DOCK3: variants seen among roughly 807,000 people sequenced by gnomAD.
DOCK3 encodes the protein dedicator of cytokinesis protein 3.
In DOCK3, 60 loss-of-function variants were observed where a neutral mutation model predicts 265.6. The observed-to-expected ratio is 0.23, with a 90% CI of 0.18 to 0.28. The LOEUF (loss-of-function observed/expected upper bound fraction) is 0.28. Among genes scored for constraint, DOCK3 ranks in the 10% least tolerant of loss-of-function variants. The pLI is 1.00. For synonymous variants in DOCK3, 881 were observed against 938.0 expected, an observed-to-expected ratio of 0.94 and a Z score of 1.11; for missense variants, 1,981 against 2,594.3, an observed-to-expected ratio of 0.76 and a Z score of 5.14.
chr3:51,105,851 C>T (rs2109778476), intron 9 of DOCK3, among the ~76,000 whole-genome samples: 1 of 152,286 alleles, frequency 6.6e-6, no homozygotes. Flanking sequence ...GGCTACCATG[C>T]ACCAGGATTC....
At chr3:51,037,863 A>G (rs2080330706) in intron 5 of DOCK3, among the ~76,000 whole-genome samples, 1 of 152,176 alleles carries the variant, frequency 6.6e-6, no homozygotes. Context: ...TTAGAAAGAG[A>G]ATGCAGCCTA....
At chr3:50,949,152 G>A (rs915152091) in intron 5 of DOCK3, among the ~76,000 whole-genome samples, 16 of 152,106 alleles carry the variant, frequency 1.1e-4, no homozygotes, top group African/African-American at 3.9e-4. Context: ...AACTATAAAA[G>A]AAAAAAGCTG....
Position 51,064,467 on chromosome 3 carries a change from T to G in DOCK3, c.335T>G (p.Phe112Cys), listed in dbSNP as rs759941721. Reference sequence around the variant, plus strand: ...TTTCAGAAACACAAAGTAGATCTTTTCTACAAACTACGCCATGTGATGAAT... The same window carrying G: ...TTTCAGAAACACAAAGTAGATCTTTGCTACAAACTACGCCATGTGATGAAT... ...QLYVKHKVDL[F>C]YKLRHVMNEL... The change falls in exon 6 of 53, where the codon TTC becomes TGC. Residue 112 changes from phenylalanine to cysteine, a missense_variant. Coordinates refer to ENST00000266037, the MANE Select transcript of DOCK3 (RefSeq NM_004947.5). 1 of 1,613,996 alleles carries G rather than the reference T, an allele frequency of 6.2e-7. No individual in the cohort carries two copies. Among genetic ancestry groups the G allele is most frequent in the Non-Finnish European group, 8.5e-7 (1 of 1,179,876 alleles).
At chr3:51,320,954 C>A (rs2083684438) in intron 32 of DOCK3, among the ~76,000 whole-genome samples, 1 of 152,182 alleles carries the variant, frequency 6.6e-6, no homozygotes, top group Non-Finnish European at 1.5e-5. Context: ...AGCGAATCTC[C>A]CACCACAGTG....
chr3:50,745,638 C>G lies in DOCK3; in HGVS notation c.38-33037C>G, dbSNP rs192031457. Among the ~76,000 whole-genome samples the G allele has an allele frequency of 2.0e-5, 3 of 152,296 alleles. No homozygotes were observed. In the East Asian group the frequency reaches 5.8e-4, roughly 29 times the overall value. ...CGCATAACACTGAATTTTTGGAGGA[C>G]AAGGTCCCCCTGCCTGTTCAGGCAT... On this transcript the variant is annotated intron_variant, in intron 1 of 52. Transcript: ENST00000266037.
In DOCK3 at chr3:50,675,103, C is replaced by A; in HGVS notation, c.-161C>A. ...CGCGGTCCAGACGTGGCGGGGGTGG[C>A]GGCGGCATCCCGGACGGCCTGTGAG... On this transcript the variant is annotated 5_prime_UTR_variant, in exon 1 of 53. Transcript: ENST00000266037. This position sits in a 1 kb window ranked among gnomAD's most constrained non-coding sequence, Gnocchi z 6.1. 1 of 314,626 alleles carries A rather than the reference C, an allele frequency of 3.2e-6. No individual in the cohort carries two copies. The highest frequency in any genetic ancestry group is 4.6e-6 in the Non-Finnish European group (1 of 216,070). 19.5% of individuals were successfully genotyped at this position (314,626 alleles called of 1,614,324 possible). A position where few individuals can be genotyped will look rare whatever the true frequency, so the allele number is the denominator to read the frequency against.
intron 1 of DOCK3, among the ~76,000 whole-genome samples, chr3:50,740,583 T>C (rs1052418010): frequency 6.6e-6 from 1 of 152,186 alleles, no homozygotes; most frequent in African/African-American, 2.4e-5. Context: ...TAGTGGTATC[T>C]CACTGTAGCT....
intron 23 of DOCK3, among the ~76,000 whole-genome samples, chr3:51,266,789 A>G (rs561383639): frequency 6.6e-6 from 1 of 152,296 alleles, no homozygotes; most frequent in South Asian, 2.1e-4. Context: ...TGACTAAAAC[A>G]CCAAAAGCAG....
chr3:51,279,957 T>TA (rs1191616047), intron 26 of DOCK3, 149 bp from the exon 27 acceptor site: 6 of 638,516 alleles, frequency 9.4e-6, no homozygotes, highest in Non-Finnish European at 1.4e-5. Context: ...TAGCAGAAAA[T>TA]AAAGCTTTAG....
At chr3:50,937,903 T>C (rs2051476582) in intron 5 of DOCK3, among the ~76,000 whole-genome samples, 1 of 151,980 alleles carries the variant, frequency 6.6e-6, no homozygotes, top group Admixed American at 6.6e-5. Flanking sequence ...TAAATCCTAA[T>C]ATATGAGTGA....
At chr3:50,970,941 ATATAT>A (rs2077206243) in intron 5 of DOCK3, among the ~76,000 whole-genome samples, 6 of 71,650 alleles carry the variant, frequency 8.4e-5, no homozygotes, top group African/African-American at 3.1e-4. Context: ...ATATATATAT[ATATAT>A]AATGTGTGTG....
chr3:50,755,304 TA>T (rs1285802936), intron 1 of DOCK3, among the ~76,000 whole-genome samples: 1 of 152,250 alleles, frequency 6.6e-6, no homozygotes, highest in Non-Finnish European at 1.5e-5. Flanking sequence ...CCATAGGTTT[TA>T]AACATCTTGC....
rs148837986 is a variant in DOCK3 at position 51,232,094 on chromosome 3, C to T, written c.1917+2485C>T. The stretch of plus-strand genomic sequence containing the variant: ...CTTAACTGTTTCTAGCCAGCTATCT[C>T]AGCACCATTCATTTTTTGCCAATTG... On this transcript the variant is annotated intron_variant, in intron 19 of 52. Transcript: ENST00000266037. Among the ~76,000 whole-genome samples, 18 of 152,272 alleles carry T rather than the reference C, an allele frequency of 1.2e-4. No individual in the cohort carries two copies. In the East Asian group the frequency reaches 3.5e-3, roughly 29 times the overall value.
intron 5 of DOCK3, among the ~76,000 whole-genome samples, chr3:51,011,446 A>C (rs1198021842): frequency 6.6e-6 from 1 of 152,140 alleles, no homozygotes; most frequent in Non-Finnish European, 1.5e-5. Flanking sequence ...TTCGTCACAT[A>C]GTTTTCCTGC....
Position 51,180,225 on chromosome 3 carries a change from A to AC in DOCK3, c.1037+19523_1037+19524insC, listed in dbSNP as rs58463671. Among the ~76,000 whole-genome samples, 821 of 145,486 alleles carry AC rather than the reference A, an allele frequency of 5.6e-3. 4 individuals carry two copies. The highest frequency in any genetic ancestry group is 0.018 in the African/African-American group (684 of 39,082). On this transcript the variant is annotated intron_variant, in intron 12 of 52. Coordinates refer to ENST00000266037, the MANE Select transcript of DOCK3 (RefSeq NM_004947.5). ...CCTGTCTCAAAAAAAAAAAAAAAAA[A>AC]ACACACACACACACACAAGTGCCAC...
chr3:51,201,174 A>G (rs574164473), intron 12 of DOCK3, among the ~76,000 whole-genome samples: 49 of 150,840 alleles, frequency 3.2e-4, no homozygotes, highest in African/African-American at 1.1e-3. Context: ...ACACATAACA[A>G]TATTAACTTT....
At chr3:51,225,105 T>G (rs1352471004) in intron 14 of DOCK3, among the ~76,000 whole-genome samples, 1 of 152,102 alleles carries the variant, frequency 6.6e-6, no homozygotes, top group Non-Finnish European at 1.5e-5. Context: ...GACCTCTACC[T>G]GTCACTCCAG....
Position 50,867,271 on chromosome 3 carries a change from A to G in DOCK3, c.163-22755A>G, listed in dbSNP as rs190749765. ...AAATGCTACTGATTTTTGTATGTTC[A>G]TTTTGTTGTCTGTGACTTTACTGAA... On this transcript the variant is annotated intron_variant, in intron 3 of 52. Coordinates refer to ENST00000266037, the MANE Select transcript of DOCK3 (RefSeq NM_004947.5). Among the ~76,000 whole-genome samples the G allele has an allele frequency of 3.9e-3, 594 of 152,164 alleles. 4 individuals are homozygous for G. The highest frequency in any genetic ancestry group is 0.014 in the African/African-American group (567 of 41,506).
chr3:50,963,878 C>T (rs888402785), intron 5 of DOCK3, among the ~76,000 whole-genome samples: 13 of 152,296 alleles, frequency 8.5e-5, no homozygotes, highest in African/African-American at 3.1e-4. Context: ...GGACACAGTA[C>T]TGAAGAGGAG....
Sources: allele counts gnomAD v4.1 joint callset (sites outside exome capture counted in the v4.1 genomes callset), GRCh38; gene constraint gnomAD v4.1.1; non-coding constraint Gnocchi (gnomAD v3.1); transcripts MANE v1.5; gene names NCBI Gene and HGNC (gene_info 2026-07-23, HGNC 2026-07-21).